Variants in NARS2 observed in about 807,000 individuals in gnomAD.
NARS2 encodes asparaginyl-tRNA synthetase.
A neutral mutation model predicts 62.9 loss-of-function variants in NARS2; 60 were observed. The observed-to-expected ratio is 0.95, with a 90% confidence interval of 0.77 to 1.18. The LOEUF is 1.18. Ranked by LOEUF, NARS2 falls within the 50% of genes most tolerant of loss-of-function variation. The pLI is 0.00. For missense variants in NARS2, 619 were observed against 576.4 expected, an observed-to-expected ratio of 1.07 and a Z score of -0.76; for synonymous variants, 196 against 200.0, an observed-to-expected ratio of 0.98 and a Z score of 0.17.
At chr11:78,564,250 C>G (rs1190088592) in intron 4 of NARS2, among the ~76,000 whole-genome samples, 1 of 152,156 alleles carries the variant, frequency 6.6e-6, no homozygotes, top group Non-Finnish European at 1.5e-5. Context: ...GGCTGGAGTT[C>G]AGTGGCACAA....
At chr11:78,548,177 TG>T (rs1249115309) in intron 5 of NARS2, among the ~76,000 whole-genome samples, 1 of 152,088 alleles carries the variant, frequency 6.6e-6, no homozygotes, top group Admixed American at 6.5e-5. Flanking sequence ...ACAGTGCAAG[TG>T]CATGCACTCC....
chr11:78,445,914 T>C (rs11606128), intron 11 of NARS2, among the ~76,000 whole-genome samples: 53,831 of 152,044 alleles, frequency 0.35, 12,774 homozygotes, highest in African/African-American at 0.67. Context: ...CAGCCATGAT[T>C]ATACCACCTG....
rs556482673 is a variant in NARS2, at chr11:78,527,287, A to ATATAATCAACTGTAATATAATC, written c.689+1554_689+1555insGATTATATTACAGTTGATTATA. ...CTCTGTAATATAATCAACTGAATGAAAACTTTGATACAAATTCATTTTGTA... is the reference window on the plus strand; with the variant it reads ...CTCTGTAATATAATCAACTGAATGAATATAATCAACTGTAATATAATCAACTTTGATACAAATTCATTTTGTA... On this transcript the variant is annotated intron_variant, in intron 6 of 13. Coordinates refer to ENST00000281038, the MANE Select transcript of NARS2 (RefSeq NM_024678.6). 2.1e-4 allele frequency among the ~76,000 whole-genome samples: 32 copies of ATATAATCAACTGTAATATAATC among 152,310 alleles called. No individual in the cohort carries two copies. The South Asian group carries it at 6.2e-3, about 30-fold the overall frequency.
chr11:78,516,306 G>C (rs1453463425), intron 6 of NARS2, among the ~76,000 whole-genome samples: 1 of 152,152 alleles, frequency 6.6e-6, no homozygotes, highest in African/African-American at 2.4e-5. Flanking sequence ...TACATTAACT[G>C]GATTTCTGTT....
In NARS2 at chr11:78,481,628, A is replaced by G. The variant is rs181743766; in HGVS notation, c.823-2945T>C. Among the ~76,000 whole-genome samples, 8 of 152,264 alleles carry G rather than the reference A, an allele frequency of 5.3e-5. No homozygotes were observed. In the South Asian group the frequency reaches 8.3e-4, roughly 16 times the overall value. ...CACAATATACTCCACAAATAAGTTG[A>G]AAAAAACCCAGAAACCTAACAGAAG... On this transcript the variant is annotated intron_variant, in intron 7 of 13. Coordinates refer to ENST00000281038, the MANE Select transcript of NARS2 (RefSeq NM_024678.6).
At chr11:78,493,317 A>G in intron 6 of NARS2, 122 bp from the exon 7 acceptor site, 1 of 864,680 alleles carries the variant, frequency 1.2e-6, no homozygotes, top group South Asian at 1.6e-5. Flanking sequence ...CCACAGACTG[A>G]CACATATTTG....
chr11:78,517,692 T>C (rs1860963948), intron 6 of NARS2, among the ~76,000 whole-genome samples: 2 of 152,214 alleles, frequency 1.3e-5, no homozygotes, highest in South Asian at 4.1e-4. Flanking sequence ...AATATCTACA[T>C]TCTATTTTAA....
intron 4 of NARS2, among the ~76,000 whole-genome samples, chr11:78,562,039 C>CAAAAAACAAAAAACA: frequency 8.2e-6 from 1 of 121,988 alleles, no homozygotes; most frequent in African/African-American, 4.0e-5. Context: ...TGTCAAAAAA[C>CAAAAAACAAAAAACA]AAAAAACAAA....
In NARS2 at chr11:78,478,575, A is replaced by C. The variant is rs1591178792; in HGVS notation, c.921+10T>G. ...TAGATGTATTGGGCTTTATCCATAA[A>C]ACTAATTACCTTTTGGCCAGGTGCT... On this transcript the variant is annotated intron_variant, in intron 8 of 13. Coordinates refer to ENST00000281038, the MANE Select transcript of NARS2 (RefSeq NM_024678.6). The C allele has an allele frequency of 6.4e-7, 1 of 1,573,762 alleles. No individual in the cohort carries two copies. Among genetic ancestry groups the C allele is most frequent in the Non-Finnish European group, 8.7e-7 (1 of 1,145,818 alleles).
chr11:78,478,903 T>C (rs1475340449), intron 7 of NARS2, among the ~76,000 whole-genome samples: 2 of 152,220 alleles, frequency 1.3e-5, no homozygotes, highest in South Asian at 2.1e-4. Context: ...TTTAATCTTA[T>C]GTTGACAGTT....
intron 7 of NARS2, among the ~76,000 whole-genome samples, chr11:78,487,415 C>A (rs951021379): frequency 9.5e-5 from 14 of 147,610 alleles, no homozygotes; most frequent in East Asian, 4.0e-4. Flanking sequence ...GAAAGAAAGA[C>A]AGACAGACAG....
intron 6 of NARS2, among the ~76,000 whole-genome samples, chr11:78,507,306 C>G (rs1860539942): frequency 6.6e-6 from 1 of 152,012 alleles, no homozygotes; most frequent in Non-Finnish European, 1.5e-5. Context: ...GTGATGGCAC[C>G]TGCCTAGGGA....
At chr11:78,560,568 A>C (rs6592792) in intron 4 of NARS2, among the ~76,000 whole-genome samples, 124,586 of 152,180 alleles carry the variant, frequency 0.82, 51,379 homozygotes, top group African/African-American at 0.89. Flanking sequence ...TAAATTCTTA[A>C]ATACATATCT....
At chr11:78,543,889 G>A (rs780441707) in intron 5 of NARS2, among the ~76,000 whole-genome samples, 20 of 151,860 alleles carry the variant, frequency 1.3e-4, no homozygotes, top group Non-Finnish European at 4.4e-5. Context: ...AAATTAGCTG[G>A]GCGTGGTGGC....
At chr11:78,469,176 TAACAC>T (rs1239654201) in intron 10 of NARS2, 66 bp downstream of exon 10, 7 of 1,044,232 alleles carry the variant, frequency 6.7e-6, no homozygotes, top group East Asian at 2.4e-5. Flanking sequence ...GAAAGATTCT[TAACAC>T]AGTAAGCTAA....
At chr11:78,484,223 T>G (rs1859477452) in intron 7 of NARS2, among the ~76,000 whole-genome samples, 1 of 152,066 alleles carries the variant, frequency 6.6e-6, no homozygotes, top group Non-Finnish European at 1.5e-5. Flanking sequence ...TCCTTACACC[T>G]TATATAAAAA....
At chr11:78,516,157 T>C (rs1276531855) in intron 6 of NARS2, among the ~76,000 whole-genome samples, 3 of 152,206 alleles carry the variant, frequency 2.0e-5, no homozygotes, top group African/African-American at 4.8e-5. Context: ...TGTGGCTAAA[T>C]AGAATTTATT....
At position 78,574,330 on chromosome 11, in the gene NARS2, C is replaced by A; in HGVS notation, c.141+18G>T. ...AAGTCCCTACAAGAAAAAACCCACTCCCTTCCCATTCACCAACCTGGATCT... is the reference window on the plus strand; with the variant it reads ...AAGTCCCTACAAGAAAAAACCCACTACCTTCCCATTCACCAACCTGGATCT... On this transcript the variant is annotated intron_variant, in intron 1 of 13. Transcript: ENST00000281038. 1.2e-6 allele frequency: 2 copies of A among 1,614,222 alleles called. No individual in the cohort carries two copies. Among genetic ancestry groups the A allele is most frequent in the South Asian group, 2.2e-5 (2 of 91,080 alleles).
At chr11:78,452,107 A>AT (rs143853387) in intron 11 of NARS2, among the ~76,000 whole-genome samples, 3,394 of 150,452 alleles carry the variant, frequency 0.023, 118 homozygotes, top group African/African-American at 0.071. Flanking sequence ...AAATTTTTCA[A>AT]TTTTTTTTTT....
Sources: allele counts gnomAD v4.1 joint callset (sites outside exome capture counted in the v4.1 genomes callset), GRCh38; gene constraint gnomAD v4.1.1; transcripts MANE v1.5; gene names NCBI Gene and HGNC (gene_info 2026-07-23, HGNC 2026-07-21).